WWP2: variants seen among roughly 807,000 people sequenced by gnomAD.
The protein encoded by WWP2 is NEDD4-like E3 ubiquitin-protein ligase WWP2.
Under a neutral mutation model 121.0 loss-of-function variants are expected in WWP2, and 57 were observed. The observed-to-expected ratio is 0.47, with a 90% CI of 0.38 to 0.59. The LOEUF is 0.59. Ranked by LOEUF, WWP2 falls within the 20% of genes least tolerant of loss-of-function variation. The probability of loss-of-function intolerance (pLI) is 0.00; values close to 1 mark genes in which losing one functional copy is unlikely to be tolerated. For synonymous variants in WWP2, 449 were observed against 441.3 expected (o/e 1.02, Z -0.22); for missense variants, 962 against 1,158.9 (o/e 0.83, Z 2.47).
At chr16:69,845,298 C>A (rs977094472) in intron 6 of WWP2, among the ~76,000 whole-genome samples, 3 of 152,040 alleles carry the variant, frequency 2.0e-5, no homozygotes, top group South Asian at 2.1e-4. Context: ...ATGCCTACCC[C>A]CCTTCCCTGC....
intron 6 of WWP2, among the ~76,000 whole-genome samples, chr16:69,860,091 T>G (rs2057388325): frequency 6.6e-6 from 1 of 151,878 alleles, no homozygotes; most frequent in South Asian, 2.1e-4. Context: ...ATCCCAGCAC[T>G]TTGGGAGGCC....
At chr16:69,857,391 C>CTAATTTTTAAATTTTTTTTT (rs2057337168) in intron 6 of WWP2, among the ~76,000 whole-genome samples, 1 of 152,178 alleles carries the variant, frequency 6.6e-6, no homozygotes, top group Non-Finnish European at 1.5e-5. Flanking sequence ...CCACGCCTGG[C>CTAATTTTTAAATTTTTTTTT]GTAACTTTCC....
intron 6 of WWP2, among the ~76,000 whole-genome samples, chr16:69,853,610 C>T (rs904017134): frequency 6.6e-6 from 1 of 152,132 alleles, no homozygotes; most frequent in Non-Finnish European, 1.5e-5. Flanking sequence ...ATGTCTGATA[C>T]AGTGGGGCTG....
rs2058845714 is a variant in WWP2, at chr16:69,939,345, C to A, written c.2445C>A (p.Ser815Arg). Residue 815 changes from serine (S) to arginine (R), a missense_variant, in exon 23 of 24, where the codon AGC becomes AGA. Physicochemically the swap from Ser to Arg is moderately radical, Grantham distance 110. Transcript: ENST00000359154. ...PVGGFAELIG[S>R]NGPQKFCIDK... ...GTGTTTTACCTTGGATCACAGGTAGCAACGGACCACAGAAGTTTTGCATTG... is the reference window on the plus strand; with the variant it reads ...GTGTTTTACCTTGGATCACAGGTAGAAACGGACCACAGAAGTTTTGCATTG... 1 of 1,614,056 alleles carries A rather than the reference C, an allele frequency of 6.2e-7. No homozygotes were observed. The highest frequency in any genetic ancestry group is 8.5e-7 in the Non-Finnish European group (1 of 1,180,036).
chr16:69,833,010 C>T (rs766336361), intron 4 of WWP2, among the ~76,000 whole-genome samples: 2 of 152,244 alleles, frequency 1.3e-5, no homozygotes, highest in African/African-American at 4.8e-5. Flanking sequence ...CACGCCACCA[C>T]GTCCAACTAA....
intron 16 of WWP2, among the ~76,000 whole-genome samples, chr16:69,932,240 A>AC (rs1280483327): frequency 6.6e-6 from 1 of 152,224 alleles, no homozygotes; most frequent in East Asian, 1.9e-4. Flanking sequence ...GAGGCGGGAG[A>AC]ATCGCTTGAA....
At chr16:69,803,326 TC>T (rs2056210316) in intron 4 of WWP2, among the ~76,000 whole-genome samples, 2 of 142,956 alleles carry the variant, frequency 1.4e-5, no homozygotes, top group African/African-American at 5.1e-5. Flanking sequence ...TTTTAATTCT[TC>T]TACTTTTTTC....
chr16:69,874,840 G>A (rs2057707689), intron 7 of WWP2, among the ~76,000 whole-genome samples: 1 of 152,106 alleles, frequency 6.6e-6, no homozygotes, highest in Admixed American at 6.6e-5. Context: ...TGACTCGCTA[G>A]GTCTTAGTTT....
At chr16:69,890,223 G>A (rs1042691668) in intron 8 of WWP2, among the ~76,000 whole-genome samples, 1 of 150,970 alleles carries the variant, frequency 6.6e-6, no homozygotes, top group Non-Finnish European at 1.5e-5. Flanking sequence ...ATCTTTTATC[G>A]GAAGGCACAT....
At chr16:69,815,177 A>G (rs976404385) in intron 4 of WWP2, among the ~76,000 whole-genome samples, 9 of 151,818 alleles carry the variant, frequency 5.9e-5, no homozygotes, top group African/African-American at 1.9e-4. Flanking sequence ...TAATTTTTGT[A>G]TTTTTAGTAG....
At chr16:69,861,869 A>G (rs998869066) in intron 6 of WWP2, among the ~76,000 whole-genome samples, 1 of 151,248 alleles carries the variant, frequency 6.6e-6, no homozygotes, top group Non-Finnish European at 1.5e-5. Context: ...TTTTTTTTCC[A>G]TGCAGCTATT....
chr16:69,855,860 G>T lies in WWP2; in HGVS notation c.575+13740G>T, dbSNP rs555847879. Among the ~76,000 whole-genome samples the T allele has an allele frequency of 3.2e-3, 493 of 152,338 alleles. 6 individuals carry two copies. The highest frequency in any genetic ancestry group is 4.6e-3 in the Non-Finnish European group (312 of 68,032). On this transcript the variant is annotated intron_variant, in intron 6 of 23. Coordinates refer to ENST00000359154, the MANE Select transcript of WWP2 (RefSeq NM_001270454.2). ...TCATTCTGATGAATTTCTGCTTTATGTATTTCGAGGTTATTTCATTGGATC... is the reference window on the plus strand; with the variant it reads ...TCATTCTGATGAATTTCTGCTTTATTTATTTCGAGGTTATTTCATTGGATC...
chr16:69,827,154 GA>G (rs71151140), intron 4 of WWP2, among the ~76,000 whole-genome samples: 1,663 of 142,246 alleles, frequency 0.012, 18 homozygotes, highest in Middle Eastern at 0.021. Context: ...TGGAAATTAT[GA>G]AAAAAAAAAA....
At chr16:69,862,709 T>G (rs12926287) in intron 6 of WWP2, among the ~76,000 whole-genome samples, 1 of 102,078 alleles carries the variant, frequency 9.8e-6, no homozygotes, top group Non-Finnish European at 1.8e-5. Flanking sequence ...CCATGAATTC[T>G]TTTTTTTTTT....
intron 4 of WWP2, among the ~76,000 whole-genome samples, chr16:69,818,330 C>T (rs903122553): frequency 3.9e-5 from 6 of 152,036 alleles, no homozygotes; most frequent in South Asian, 4.2e-4. Flanking sequence ...GCCTCAGCCT[C>T]CCAAGTAGCT....
rs149565006 is a variant in WWP2 at position 69,812,866 on chromosome 16, G to A, written c.340+13571G>A. On this transcript the variant is annotated intron_variant, in intron 4 of 23. Transcript: ENST00000359154. ...CAGGTTTTTCCACTGCAAAATTACTGTTTCCCCTTGTCAATGAAAAGGTAT... is the reference window on the plus strand; with the variant it reads ...CAGGTTTTTCCACTGCAAAATTACTATTTCCCCTTGTCAATGAAAAGGTAT... Among the ~76,000 whole-genome samples the A allele has an allele frequency of 7.3e-4, 111 of 152,168 alleles. 2 individuals are homozygous for A. The East Asian group carries it at 0.018, about 25-fold the overall frequency.
chr16:69,932,684 G>T (rs1480326869), intron 16 of WWP2, among the ~76,000 whole-genome samples: 3 of 152,192 alleles, frequency 2.0e-5, no homozygotes, highest in African/African-American at 7.2e-5. Context: ...GATCCACAGG[G>T]CCTTGAGCAG....
chr16:69,934,081 C>T lies in WWP2; in HGVS notation c.1794C>T (p.Asn598=). The T allele has an allele frequency of 6.2e-7, 1 of 1,614,214 alleles. No individual in the cohort carries two copies. Reference sequence around the variant, plus strand: ...AGATCAACCCCGCCTCCTCCATCAACCCGGACCACCTCACCTACTTTCGCT... The same window carrying T: ...AGATCAACCCCGCCTCCTCCATCAATCCGGACCACCTCACCTACTTTCGCT... The part of the protein sequence containing the change: ...CLQINPASSI[N]PDHLTYFRFI... Residue 598 remains asparagine, a synonymous_variant, in exon 17 of 24, where the codon AAC becomes AAT. Transcript: ENST00000359154.
chr16:69,923,929 C>A (rs534667063), intron 10 of WWP2, among the ~76,000 whole-genome samples: 1 of 151,976 alleles, frequency 6.6e-6, no homozygotes, highest in East Asian at 1.9e-4. Context: ...CAGACACACG[C>A]CCCCATGACT....
Sources: allele counts gnomAD v4.1 joint callset (sites outside exome capture counted in the v4.1 genomes callset), GRCh38; gene constraint gnomAD v4.1.1; transcripts MANE v1.5; gene names NCBI Gene and HGNC (gene_info 2026-07-23, HGNC 2026-07-21).